Variants in VCL observed in about 807,000 individuals in gnomAD.
The protein encoded by VCL is vinculin, also known as epididymis luminal protein 114.
Under a neutral mutation model 125.7 loss-of-function variants are expected in VCL, and 47 were observed. That is an observed-to-expected ratio of 0.37 (90% CI 0.30 to 0.48). The LOEUF (loss-of-function observed/expected upper bound fraction) is 0.48. VCL is among the 20% of genes least tolerant of loss of function. VCL has a pLI of 0.99. For synonymous variants in VCL, 458 were observed against 514.6 expected (o/e 0.89, Z 1.49); for missense variants, 1,069 against 1,455.5 (o/e 0.73, Z 4.32).
intron 1 of VCL, among the ~76,000 whole-genome samples, chr10:74,034,382 G>T (rs554006648): frequency 6.6e-6 from 1 of 152,050 alleles, no homozygotes; most frequent in South Asian, 2.1e-4. Context: ...CCCATATCTT[G>T]CCCTATTAAC....
At chr10:74,023,556 AT>A (rs1840713398) in intron 1 of VCL, among the ~76,000 whole-genome samples, 1 of 152,254 alleles carries the variant, frequency 6.6e-6, no homozygotes, top group African/African-American at 2.4e-5. Flanking sequence ...AATTCTGATT[AT>A]TCCTTTTGCC....
chr10:74,010,063 T>G (rs1401672269), intron 1 of VCL, among the ~76,000 whole-genome samples: 2 of 152,188 alleles, frequency 1.3e-5, no homozygotes, highest in East Asian at 1.9e-4. Flanking sequence ...TAGCCGAGAT[T>G]ACAAGCATGC....
At position 74,071,166 on chromosome 10, in the gene VCL, T is replaced by C. The variant is rs1841658447; in HGVS notation, c.499+83T>C. 1 of 1,343,144 alleles carries C rather than the reference T, an allele frequency of 7.4e-7. No homozygotes were observed. The highest frequency in any genetic ancestry group is 1.1e-6 in the Non-Finnish European group (1 of 941,254). 83.2% of individuals were successfully genotyped at this position (1,343,144 alleles called of 1,614,324 possible). ...GGAAAGGGTACCCTCTTCCTACTTT[T>C]TGCAGAAGATAGGTGAAGATGCATT... On this transcript the variant is annotated intron_variant, in intron 4 of 21. Transcript: ENST00000211998. This position sits in a 1 kb window ranked among gnomAD's most constrained non-coding sequence, Gnocchi z 4.1.
At chr10:74,102,882 T>C (rs76859163) in intron 14 of VCL, among the ~76,000 whole-genome samples, 26 of 152,002 alleles carry the variant, frequency 1.7e-4, no homozygotes, top group Non-Finnish European at 2.9e-4. Context: ...TTTTTTTTTT[T>C]CCGAGACGGA....
chr10:74,023,185 A>G (rs561181952), intron 1 of VCL, among the ~76,000 whole-genome samples: 1 of 152,334 alleles, frequency 6.6e-6, no homozygotes, highest in South Asian at 2.1e-4. Context: ...AAAAGGCTGC[A>G]TATGTGATGA....
intron 1 of VCL, 72 bp from the exon 2 acceptor site, chr10:74,043,011 A>G (rs1841123641): frequency 1.5e-6 from 2 of 1,375,408 alleles, no homozygotes; most frequent in East Asian, 4.6e-5. Context: ...ATATGTTTCA[A>G]ATATGCTTAA....
intron 2 of VCL, among the ~76,000 whole-genome samples, chr10:74,054,962 T>C (rs566009623): frequency 8.6e-5 from 13 of 151,612 alleles, no homozygotes; most frequent in South Asian, 6.3e-4. Flanking sequence ...AAAATAATAA[T>C]AGTGAGATTT....
Position 74,064,637 on chromosome 10 carries a change from A to G in VCL, c.240-6033A>G, listed in dbSNP as rs72816361. On this transcript the variant is annotated intron_variant, in intron 2 of 21. Transcript: ENST00000211998. ...TACCCAGGCTCGTCTGGAACTCCTA[A>G]GCTCAAGTGATCCTCCTGCCTTGGG... Among the ~76,000 whole-genome samples, 437 of 152,248 alleles carry G rather than the reference A, an allele frequency of 2.9e-3. 1 individual carries two copies. The highest frequency in any genetic ancestry group is 5.4e-3 in the Non-Finnish European group (366 of 68,006).
chr10:74,108,089 T>G (rs1174401016), intron 17 of VCL, among the ~76,000 whole-genome samples: 1 of 152,230 alleles, frequency 6.6e-6, no homozygotes, highest in Non-Finnish European at 1.5e-5. Context: ...TTTAAGTTGG[T>G]TGAGTACAAA....
chr10:74,104,165 C>T (rs1363277218), intron 15 of VCL, among the ~76,000 whole-genome samples: 1 of 152,146 alleles, frequency 6.6e-6, no homozygotes, highest in Non-Finnish European at 1.5e-5. Context: ...GCCCTCCTGG[C>T]GTGATGTTTA....
At chr10:74,067,545 A>T (rs1226644586) in intron 2 of VCL, among the ~76,000 whole-genome samples, 2 of 152,236 alleles carry the variant, frequency 1.3e-5, no homozygotes, top group African/African-American at 4.8e-5. Context: ...GAGAAATGAG[A>T]ACATTATAGC....
intron 10 of VCL, among the ~76,000 whole-genome samples, chr10:74,090,984 A>G (rs779092855): frequency 3.3e-5 from 5 of 151,788 alleles, no homozygotes; most frequent in Admixed American, 1.3e-4. Context: ...TATTTTTTGT[A>G]GAGACGGGGT....
intron 1 of VCL, among the ~76,000 whole-genome samples, chr10:74,017,070 C>T (rs1237333001): frequency 1.1e-4 from 8 of 72,122 alleles, no homozygotes; most frequent in African/African-American, 7.8e-4. Flanking sequence ...TTTTTTGAGA[C>T]GGAGTCTCGC....
At position 74,043,064 on chromosome 10, in the gene VCL, AT is replaced by A. The variant is rs753900484; in HGVS notation, c.169-11del. On this transcript the variant is annotated intron_variant, in intron 1 of 21. Coordinates refer to ENST00000211998, the MANE Select transcript of VCL (RefSeq NM_014000.3). ...TCTGAGAATTTATATTTGAATTATGATTTTTTTTCCTCTTGTAGGTTGGAAA... is the reference window on the plus strand; with the variant it reads ...TCTGAGAATTTATATTTGAATTATGATTTTTTTCCTCTTGTAGGTTGGAAA... 14 of 1,606,624 alleles carry A rather than the reference AT, an allele frequency of 8.7e-6. No individual in the cohort carries two copies. Among genetic ancestry groups the A allele is most frequent in the African/African-American group, 5.4e-5 (4 of 74,690 alleles).
chr10:74,080,445 T>G (rs1271067688), intron 6 of VCL, among the ~76,000 whole-genome samples: 1 of 152,138 alleles, frequency 6.6e-6, no homozygotes, highest in Admixed American at 6.5e-5. Context: ...AATTTGAGAT[T>G]CAATGAGGTA....
intron 7 of VCL, 28 bp downstream of exon 7, chr10:74,082,572 C>A (rs770660569): frequency 6.2e-7 from 1 of 1,607,574 alleles, no homozygotes; most frequent in Non-Finnish European, 8.5e-7. Context: ...CTTTTCTGAT[C>A]AATACAACGA....
At chr10:74,120,537 A>G (rs1840408231), downstream of VCL, 1 of 152,268 alleles carries the variant, frequency 6.6e-6, no homozygotes, top group Non-Finnish European at 1.5e-5. Context: ...CCCTGCTGCA[A>G]GACAGAGACT....
In VCL at chr10:74,119,140, T is replaced by A. The variant is rs1294472243; in HGVS notation, c.*971T>A. On this transcript the variant is annotated 3_prime_UTR_variant, in exon 22 of 22. Coordinates refer to ENST00000211998, the MANE Select transcript of VCL (RefSeq NM_014000.3). ...GAGCTGAAATGCTGCATTTTAATTT[T>A]AACCAAAACATGTCTCCTATCCTGG... 1 of 124,184 alleles carries A rather than the reference T, an allele frequency of 8.1e-6. No homozygotes were observed. Among genetic ancestry groups the A allele is most frequent in the Admixed American group, 8.4e-5 (1 of 11,890 alleles). 7.7% of individuals were successfully genotyped at this position (124,184 alleles called of 1,614,324 possible).
Position 74,105,249 on chromosome 10 carries a change from C to T in VCL, c.2330C>T (p.Pro777Leu), listed in dbSNP as rs1564532927. 1 of 1,614,092 alleles carries T rather than the reference C, an allele frequency of 6.2e-7. No individual in the cohort carries two copies. Among genetic ancestry groups the T allele is most frequent in the Non-Finnish European group, 8.5e-7 (1 of 1,180,028 alleles). Reference sequence around the variant, plus strand: ...AGGGAGGTGGAGAATTCCGAGGATCCCAAGTTCCGTGAGGCTGTGAAAGCT... The same window carrying T: ...AGGGAGGTGGAGAATTCCGAGGATCTCAAGTTCCGTGAGGCTGTGAAAGCT... The part of the protein sequence containing the change: ...AKREVENSED[P>L]KFREAVKAAS... Residue 777 changes from proline to leucine, a missense_variant, in exon 16 of 22, where the codon CCC becomes CTC. Pro to Leu is a moderately conservative substitution (Grantham distance 98). Coordinates refer to ENST00000211998, the MANE Select transcript of VCL (RefSeq NM_014000.3).
Sources: allele counts gnomAD v4.1 joint callset (sites outside exome capture counted in the v4.1 genomes callset), GRCh38; gene constraint gnomAD v4.1.1; non-coding constraint Gnocchi (gnomAD v3.1); transcripts MANE v1.5; gene names NCBI Gene and HGNC (gene_info 2026-07-23, HGNC 2026-07-21).